PRKG1: variants seen among roughly 807,000 people sequenced by gnomAD.
PRKG1 encodes the protein protein kinase cGMP-dependent 1.
A neutral mutation model predicts 88.1 loss-of-function variants in PRKG1; 35 were observed. The ratio of observed to expected loss-of-function variants is 0.40; its 90% CI spans 0.30 to 0.53. The LOEUF (loss-of-function observed/expected upper bound fraction) is 0.53. PRKG1 is among the 20% of genes least tolerant of loss of function. PRKG1 has a pLI of 0.59. For synonymous variants in PRKG1, 303 were observed against 292.5 expected (o/e 1.04, Z -0.37); for missense variants, 540 against 839.8 (o/e 0.64, Z 4.41).
At chr10:52,007,065 A>G (rs976625754) in intron 5 of PRKG1, among the ~76,000 whole-genome samples, 9 of 152,206 alleles carry the variant, frequency 5.9e-5, no homozygotes, top group African/African-American at 1.7e-4. Context: ...CCTTTTTCAG[A>G]GAAGCAAATG....
At chr10:51,559,988 G>T (rs1837415549) in intron 3 of PRKG1, among the ~76,000 whole-genome samples, 1 of 152,086 alleles carries the variant, frequency 6.6e-6, no homozygotes, top group Non-Finnish European at 1.5e-5. Flanking sequence ...TTTTCTTCTA[G>T]TAAATTCTGC....
In PRKG1 at chr10:51,930,495, C is replaced by CTTTT. The variant is rs3029977; in HGVS notation, c.762+22943_762+22946dup. On this transcript the variant is annotated intron_variant, in intron 5 of 17. Coordinates refer to ENST00000373980, the MANE Select transcript of PRKG1 (RefSeq NM_006258.4). Reference sequence around the variant, plus strand: ...TTTTAAAAGAACCTTTTTTTTTCCTCTTTTTTTTTTTTTTTTTTTTTGAGA... The same window carrying CTTTT: ...TTTTAAAAGAACCTTTTTTTTTCCTCTTTTTTTTTTTTTTTTTTTTTTTTTGAGA... Among the ~76,000 whole-genome samples the CTTTT allele has an allele frequency of 2.5e-3, 257 of 104,440 alleles. 5 individuals are homozygous for CTTTT. Among genetic ancestry groups the CTTTT allele is most frequent in the Middle Eastern group, 0.021 (3 of 144 alleles). The allele number at this position is 104,440 out of a possible 152,430, so 68.5% of individuals were successfully genotyped here. A position where few individuals can be genotyped will look rare whatever the true frequency, so the allele number is the denominator to read the frequency against.
At chr10:52,251,903 A>G in intron 10 of PRKG1, 1 of 428,836 alleles carries the variant, frequency 2.3e-6, no homozygotes, top group Middle Eastern at 6.5e-4. Flanking sequence ...AAACCTCTTC[A>G]TATTAAGTGT....
chr10:51,977,474 G>A (rs1843875802), intron 5 of PRKG1, among the ~76,000 whole-genome samples: 1 of 151,900 alleles, frequency 6.6e-6, no homozygotes, highest in South Asian at 2.1e-4. Context: ...ATATTCTTTG[G>A]GTATCTACCC....
intron 2 of PRKG1, among the ~76,000 whole-genome samples, chr10:51,326,348 A>G (rs1280134719): frequency 6.6e-6 from 1 of 152,232 alleles, no homozygotes; most frequent in Non-Finnish European, 1.5e-5. Flanking sequence ...ACGGAGTTAT[A>G]GGTTTATCAG....
intron 5 of PRKG1, among the ~76,000 whole-genome samples, chr10:51,965,696 A>C (rs940690248): frequency 6.6e-6 from 1 of 152,196 alleles, no homozygotes; most frequent in African/African-American, 2.4e-5. Flanking sequence ...CAGTAACAGT[A>C]AAAATATCTG....
At chr10:52,213,214 A>T (rs190359641) in intron 9 of PRKG1, among the ~76,000 whole-genome samples, 8 of 152,298 alleles carry the variant, frequency 5.3e-5, no homozygotes, top group African/African-American at 1.9e-4. Context: ...AAAACAGGAA[A>T]AAATGAAAAA....
chr10:51,698,358 G>A (rs1003268596), intron 3 of PRKG1: 12 of 1,613,994 alleles, frequency 7.4e-6, no homozygotes, highest in Middle Eastern at 1.7e-4. Context: ...TCTATCATGG[G>A]GCCTCTGGGC....
chr10:51,738,618 C>T (rs1424343033), intron 3 of PRKG1, among the ~76,000 whole-genome samples: 2 of 152,124 alleles, frequency 1.3e-5, no homozygotes, highest in African/African-American at 4.8e-5. Flanking sequence ...GAAAGACCTC[C>T]TATTAGTCTA....
intron 4 of PRKG1, among the ~76,000 whole-genome samples, chr10:51,857,951 A>G (rs547092651): frequency 3.3e-5 from 5 of 149,326 alleles, no homozygotes; most frequent in African/African-American, 1.2e-4. Flanking sequence ...TATGGATGCT[A>G]TTACCTAGAT....
chr10:51,371,208 T>C (rs1842699021), intron 2 of PRKG1, among the ~76,000 whole-genome samples: 1 of 151,914 alleles, frequency 6.6e-6, no homozygotes, highest in Non-Finnish European at 1.5e-5. Context: ...AGGCAAGCCA[T>C]TTAGCCTTTT....
rs180785023 is a variant in PRKG1 at position 52,206,929 on chromosome 10, T to A, written c.1077-44641T>A. On this transcript the variant is annotated intron_variant, in intron 9 of 17. Coordinates refer to ENST00000373980, the MANE Select transcript of PRKG1 (RefSeq NM_006258.4). Reference sequence around the variant, plus strand: ...GCCACAGTGCAGTGGCACAGTGTGGTGTCTGCACATCAGCTTGGGCACAAT... The same window carrying A: ...GCCACAGTGCAGTGGCACAGTGTGGAGTCTGCACATCAGCTTGGGCACAAT... Among the ~76,000 whole-genome samples the A allele has an allele frequency of 9.7e-3, 1,474 of 152,316 alleles. 8 individuals carry two copies. The highest frequency in any genetic ancestry group is 0.017 in the Non-Finnish European group (1,177 of 68,024).
intron 2 of PRKG1, among the ~76,000 whole-genome samples, chr10:51,424,774 A>T (rs550358810): frequency 4.6e-5 from 7 of 152,156 alleles, no homozygotes; most frequent in African/African-American, 1.7e-4. Flanking sequence ...TTTTTTCCTG[A>T]TGCATTAGAC....
chr10:51,071,875 C>T (rs976314585), upstream of PRKG1, among the ~76,000 whole-genome samples: 11 of 152,222 alleles, frequency 7.2e-5, no homozygotes, highest in South Asian at 1.2e-3. Context: ...CAATGAAAAA[C>T]GTATTTAAAA....
intron 9 of PRKG1, among the ~76,000 whole-genome samples, chr10:52,245,879 T>C (rs1365347258): frequency 1.3e-5 from 2 of 151,928 alleles, no homozygotes; most frequent in African/African-American, 4.8e-5. Context: ...AATAGGGCTA[T>C]ATTTGCCTTT....
intron 3 of PRKG1, among the ~76,000 whole-genome samples, chr10:51,753,479 G>A (rs1388970699): frequency 1.3e-5 from 2 of 152,196 alleles, no homozygotes; most frequent in African/African-American, 4.8e-5. Flanking sequence ...TACAAATCAG[G>A]AGCAACTAAG....
chr10:51,782,065 GA>G (rs1838604635), intron 3 of PRKG1, among the ~76,000 whole-genome samples: 2 of 152,006 alleles, frequency 1.3e-5, no homozygotes, highest in Admixed American at 6.6e-5. Context: ...GCAATAGAGA[GA>G]TGAAGAATTC....
At chr10:52,289,661 G>A (rs1265918611) in intron 16 of PRKG1, among the ~76,000 whole-genome samples, 2 of 149,826 alleles carry the variant, frequency 1.3e-5, no homozygotes, top group Non-Finnish European at 1.5e-5. Context: ...AAACAAACAA[G>A]CAAAAACTTT....
intron 2 of PRKG1, among the ~76,000 whole-genome samples, chr10:51,439,206 C>T (rs1407741801): frequency 6.6e-6 from 1 of 151,736 alleles, no homozygotes; most frequent in Non-Finnish European, 1.5e-5. Flanking sequence ...GATTACAGTT[C>T]CTTCACTGGA....
Sources: gnomAD v4.1 joint callset for allele counts (sites outside exome capture counted in the v4.1 genomes callset) on GRCh38, gnomAD v4.1.1 for gene constraint, MANE v1.5 for transcripts, NCBI Gene and HGNC (gene_info 2026-07-23, HGNC 2026-07-21) for gene names.